Variants in ADGRA3 observed in about 807,000 individuals in gnomAD.
ADGRA3 encodes G-protein coupled receptor 125.
Under a neutral mutation model 119.8 loss-of-function variants are expected in ADGRA3, and 56 were observed. The observed-to-expected ratio is 0.47, with a 90% CI of 0.38 to 0.58. The LOEUF is 0.58. Among genes scored for constraint, ADGRA3 ranks in the 20% least tolerant of loss-of-function variants. The pLI is 0.00. For synonymous variants in ADGRA3, 607 were observed against 623.8 expected, an observed-to-expected ratio of 0.97 and a Z score of 0.40; for missense variants, 1,516 against 1,649.0, an observed-to-expected ratio of 0.92 and a Z score of 1.40.
chr4:22,394,666 C>T (rs4697296), intron 16 of ADGRA3: 113,166 of 152,124 alleles, frequency 0.74, 45,138 homozygotes, highest in Non-Finnish European at 0.89. Context: ...AGGTAGGGCT[C>T]TAAAATACAA....
chr4:22,478,507 T>C (rs1441091494), intron 1 of ADGRA3, among the ~76,000 whole-genome samples: 4 of 152,150 alleles, frequency 2.6e-5, no homozygotes, highest in African/African-American at 7.2e-5. Context: ...AGCTATAATT[T>C]GGGGCATCAA....
At chr4:22,409,280 A>G (rs758398146) in intron 14 of ADGRA3, among the ~76,000 whole-genome samples, 24 of 152,206 alleles carry the variant, frequency 1.6e-4, no homozygotes, top group Non-Finnish European at 3.4e-4. Context: ...CAGATGCTCA[A>G]TTAAATGTGC....
chr4:22,449,326 C>G (rs992977721), intron 4 of ADGRA3, among the ~76,000 whole-genome samples: 1 of 151,714 alleles, frequency 6.6e-6, no homozygotes, highest in African/African-American at 2.4e-5. Context: ...CAATCAACAA[C>G]TGTGTATGTT....
In ADGRA3 at chr4:22,392,396, G is replaced by A. The variant is rs1387405029; in HGVS notation, c.2627+149C>T. 6.2e-6 allele frequency: 5 copies of A among 809,784 alleles called. No homozygotes were observed. In the African/African-American group the frequency reaches 8.7e-5, roughly 14 times the overall value. 50.2% of individuals were successfully genotyped at this position (809,784 alleles called of 1,614,324 possible). On this transcript the variant is annotated intron_variant, in intron 17 of 18. Coordinates refer to ENST00000334304, the MANE Select transcript of ADGRA3 (RefSeq NM_145290.4). ...TTGTCTGAGGACTCGCAGCGGGAAG[G>A]ATGCCTGAGCCATTTTCAAAACCAG...
chr4:22,398,004 G>T, intron 16 of ADGRA3: 2 of 857,144 alleles, frequency 2.3e-6, no homozygotes, highest in Non-Finnish European at 2.8e-6. Context: ...CAAGGTAAGT[G>T]GGAGTCAGCG....
chr4:22,492,411 T>C (rs988366117), intron 1 of ADGRA3, among the ~76,000 whole-genome samples: 1 of 152,188 alleles, frequency 6.6e-6, no homozygotes, highest in Non-Finnish European at 1.5e-5. Flanking sequence ...TACATAGATA[T>C]TGGATATTTT....
At chr4:22,464,498 A>C (rs1717582542) in intron 2 of ADGRA3, among the ~76,000 whole-genome samples, 1 of 152,162 alleles carries the variant, frequency 6.6e-6, no homozygotes, top group South Asian at 2.1e-4. Flanking sequence ...TGGTGTAGCA[A>C]TTTCAACAGA....
intron 14 of ADGRA3, 59 bp downstream of exon 14, chr4:22,413,123 A>T: frequency 1.6e-6 from 2 of 1,270,470 alleles, no homozygotes; most frequent in Non-Finnish European, 2.3e-6. Flanking sequence ...ATTTGAGCTT[A>T]ATTATGCATA....
At chr4:22,497,985 A>G (rs58855874) in intron 1 of ADGRA3, among the ~76,000 whole-genome samples, 17,711 of 149,970 alleles carry the variant, frequency 0.12, 1,215 homozygotes, top group East Asian at 0.29. Context: ...TCACAGCTGT[A>G]ATCCCAACCC....
At chr4:22,511,643 T>C (rs1196018813) in intron 1 of ADGRA3, among the ~76,000 whole-genome samples, 1 of 152,160 alleles carries the variant, frequency 6.6e-6, no homozygotes, top group East Asian at 1.9e-4. Flanking sequence ...TGAAAACACC[T>C]GGCCACACCT....
chr4:22,406,569 T>C (rs1237143319), intron 14 of ADGRA3, among the ~76,000 whole-genome samples: 3 of 151,896 alleles, frequency 2.0e-5, no homozygotes, highest in Non-Finnish European at 4.4e-5. Context: ...GATTGTGAGA[T>C]TTTTTCATAC....
At chr4:22,412,654 A>G (rs1331278039) in intron 14 of ADGRA3, among the ~76,000 whole-genome samples, 1 of 152,216 alleles carries the variant, frequency 6.6e-6, no homozygotes, top group Non-Finnish European at 1.5e-5. Context: ...AATAACAGAA[A>G]ACAACACTAG....
chr4:22,413,548 C>T, intron 13 of ADGRA3, 53 bp downstream of exon 13: 2 of 1,516,524 alleles, frequency 1.3e-6, no homozygotes, highest in South Asian at 2.3e-5. Flanking sequence ...GAACAGTCAA[C>T]TACAAGGCCT....
intron 1 of ADGRA3, among the ~76,000 whole-genome samples, chr4:22,496,307 CT>C (rs1475739583): frequency 6.6e-6 from 1 of 152,160 alleles, no homozygotes; most frequent in Non-Finnish European, 1.5e-5. Flanking sequence ...ACTTAATGAG[CT>C]TCTGTGCCTC....
chr4:22,458,683 C>T (rs903519526), intron 3 of ADGRA3, among the ~76,000 whole-genome samples: 4 of 152,112 alleles, frequency 2.6e-5, no homozygotes, highest in African/African-American at 9.7e-5. Context: ...GAACTCTAAA[C>T]CTGGCTTGGT....
intron 12 of ADGRA3, among the ~76,000 whole-genome samples, chr4:22,416,325 CTCTCTTAAGATCCTTTGG>C (rs1376429759): frequency 6.6e-6 from 1 of 152,084 alleles, no homozygotes; most frequent in Non-Finnish European, 1.5e-5. Context: ...GTAGAAAAAT[CTCTCTTAAGATCCTTTGG>C]GAAAAACAAG....
intron 6 of ADGRA3, chr4:22,443,213 A>C (rs760194331): frequency 6.9e-5 from 40 of 582,106 alleles, no homozygotes; most frequent in African/African-American, 4.4e-4. Flanking sequence ...TTTAAAATAC[A>C]CTTTGGAGAC....
At chr4:22,469,938 A>G (rs1560333271) in intron 2 of ADGRA3, among the ~76,000 whole-genome samples, 1 of 152,118 alleles carries the variant, frequency 6.6e-6, no homozygotes, top group South Asian at 2.1e-4. Flanking sequence ...CATTTTCTTT[A>G]TCCACAGTAC....
intron 3 of ADGRA3, among the ~76,000 whole-genome samples, chr4:22,459,021 A>G (rs1717347440): frequency 6.6e-6 from 1 of 152,126 alleles, no homozygotes; most frequent in African/African-American, 2.4e-5. Context: ...ACAAAGAGAA[A>G]ATCCTTTAAC....
Sources: allele counts gnomAD v4.1 joint callset (sites outside exome capture counted in the v4.1 genomes callset), GRCh38; gene constraint gnomAD v4.1.1; transcripts MANE v1.5; gene names NCBI Gene and HGNC (gene_info 2026-07-23, HGNC 2026-07-21).